The following HS6ST2 variants were observed in gnomAD, a reference collection of about 807,000 sequenced individuals.
HS6ST2 encodes heparan sulfate 6-O-sulfotransferase 2.
HS6ST2 carries 17 observed loss-of-function variants against 33.0 expected under a neutral mutation model. The ratio of observed to expected loss-of-function variants is 0.52; its 90% CI spans 0.35 to 0.77. HS6ST2 has a LOEUF of 0.77. HS6ST2 is among the 30% of genes least tolerant of loss of function. HS6ST2 has a pLI of 0.01. For synonymous variants in HS6ST2, 248 were observed against 237.1 expected, an observed-to-expected ratio of 1.05 and a Z score of -0.42; for missense variants, 519 against 551.7, an observed-to-expected ratio of 0.94 and a Z score of 0.59.
chrX:132,659,692 C>T (rs2063756779), intron 4 of HS6ST2, among the ~76,000 whole-genome samples: 2 of 111,471 alleles, frequency 1.8e-5, no homozygotes, highest in Non-Finnish European at 1.9e-5. Flanking sequence ...AACTTAGCCT[C>T]GTGAGACAAG....
chrX:132,914,115 G>T (rs188210273), intron 2 of HS6ST2, among the ~76,000 whole-genome samples: 87 of 111,885 alleles, frequency 7.8e-4, no homozygotes, highest in African/African-American at 2.6e-3. Flanking sequence ...AAACAACTTA[G>T]ACAAAAATGT....
At chrX:132,935,832 A>C in intron 2 of HS6ST2, among the ~76,000 whole-genome samples, 1 of 110,522 alleles carries the variant, frequency 9.0e-6, no homozygotes, top group Non-Finnish European at 1.9e-5. Flanking sequence ...AACATATCAA[A>C]GCTTATGGGA....
At chrX:132,669,504 GT>G (rs1159276457) in intron 3 of HS6ST2, 4 of 142,397 alleles carry the variant, frequency 2.8e-5, no homozygotes, top group Admixed American at 3.1e-4. Context: ...GGGGCCTCTA[GT>G]TTTAAAAAAA....
rs540174709 is a variant in HS6ST2, at chrX:132,891,380, AT to A, written c.947+65427del. On this transcript the variant is annotated intron_variant, in intron 2 of 4. Transcript: ENST00000370833. ...AACTGAAAGAACAAAAGTTTTTTTT[AT>A]TTTTTTTTTTATTATTATTCTACTT... Among the ~76,000 whole-genome samples the A allele has an allele frequency of 5.6e-3, 553 of 99,297 alleles. 1 individual carries two copies. The highest frequency in any genetic ancestry group is 0.014 in the African/African-American group (388 of 26,808). The allele number at this position is 99,297 out of a possible 115,157, so 86.2% of individuals were successfully genotyped here.
rs1432271813 is a variant in HS6ST2, at chrX:132,866,887, G to A, written c.947+89921C>T. On this transcript the variant is annotated intron_variant, in intron 2 of 4. Transcript: ENST00000370833. ...GCTTAAGGACATTTTGGGCTGAGACGATGGGGTTTTCTAGATATACAATCA... is the reference window on the plus strand; with the variant it reads ...GCTTAAGGACATTTTGGGCTGAGACAATGGGGTTTTCTAGATATACAATCA... Among the ~76,000 whole-genome samples, 207 of 107,931 alleles carry A rather than the reference G, an allele frequency of 1.9e-3. 2 individuals carry two copies. The highest frequency in any genetic ancestry group is 6.6e-3 in the African/African-American group (194 of 29,420). 93.7% of individuals were successfully genotyped at this position (107,931 alleles called of 115,157 possible). A position where few individuals can be genotyped will look rare whatever the true frequency, so the allele number is the denominator to read the frequency against.
rs142329782 is a variant in HS6ST2, at chrX:132,936,672, G to C, written c.947+20136C>G. ...CACTGAGTACACTTAGATACAAAGA[G>C]AGGAACAATAGAAACCAGGGCCTAC... is the stretch of plus-strand genomic sequence containing the variant. On this transcript the variant is annotated intron_variant, in intron 2 of 4. Coordinates refer to ENST00000370833, the MANE Select transcript of HS6ST2 (RefSeq NM_001394073.1). Among the ~76,000 whole-genome samples, 180 of 111,410 alleles carry C rather than the reference G, an allele frequency of 1.6e-3. 1 individual carries two copies. The highest frequency in any genetic ancestry group is 0.012 in the East Asian group (44 of 3,547).
At position 132,896,193 on chromosome X, in the gene HS6ST2, G is replaced by A. The variant is rs914365251; in HGVS notation, c.947+60615C>T. Among the ~76,000 whole-genome samples, 7 of 110,885 alleles carry A rather than the reference G, an allele frequency of 6.3e-5. No individual in the cohort carries two copies. In the East Asian group the frequency reaches 8.6e-4, roughly 14 times the overall value. On this transcript the variant is annotated intron_variant, in intron 2 of 4. Coordinates refer to ENST00000370833, the MANE Select transcript of HS6ST2 (RefSeq NM_001394073.1). Reference sequence around the variant, plus strand: ...AAACAATAGTTAGAAAGAATGAGCCGGGAGTGTTGGCTCATGCCTGTAATC... The same window carrying A: ...AAACAATAGTTAGAAAGAATGAGCCAGGAGTGTTGGCTCATGCCTGTAATC...
chrX:132,776,171 G>A (rs552020998), intron 2 of HS6ST2, among the ~76,000 whole-genome samples: 43 of 111,904 alleles, frequency 3.8e-4, no homozygotes, highest in Admixed American at 3.0e-3. Flanking sequence ...AGAAAGTGCC[G>A]GCAAAATTGA....
At chrX:132,869,870 C>T (rs1164448540) in intron 2 of HS6ST2, among the ~76,000 whole-genome samples, 3 of 111,429 alleles carry the variant, frequency 2.7e-5, no homozygotes, top group Non-Finnish European at 3.8e-5. Context: ...ACAAGGATGC[C>T]CTCTCTCAAC....
chrX:132,718,370 G>T (rs1265560917), intron 2 of HS6ST2, among the ~76,000 whole-genome samples: 1 of 111,804 alleles, frequency 8.9e-6, no homozygotes, highest in Non-Finnish European at 1.9e-5. Context: ...GGAAGTCAGA[G>T]AGGCTCAAAG....
intron 2 of HS6ST2, among the ~76,000 whole-genome samples, chrX:132,804,659 T>C (rs2065264513): frequency 9.0e-6 from 1 of 111,356 alleles, no homozygotes; most frequent in Non-Finnish European, 1.9e-5. Context: ...TTTTAAAAAT[T>C]AGTTAGCTAT....
chrX:132,869,945 G>T (rs369040824), intron 2 of HS6ST2, among the ~76,000 whole-genome samples: 2 of 111,196 alleles, frequency 1.8e-5, no homozygotes, highest in Non-Finnish European at 3.8e-5. Flanking sequence ...AGAAATAAAG[G>T]GTATTCAAAT....
intron 2 of HS6ST2, among the ~76,000 whole-genome samples, chrX:132,821,369 C>T (rs1299551341): frequency 2.7e-5 from 3 of 109,482 alleles, no homozygotes; most frequent in South Asian, 4.1e-4. Context: ...CCCACCACCA[C>T]GCCCAGCTAA....
intron 2 of HS6ST2, among the ~76,000 whole-genome samples, chrX:132,910,333 C>G (rs1171437334): frequency 1.8e-5 from 2 of 111,117 alleles, no homozygotes; most frequent in Non-Finnish European, 3.8e-5. Flanking sequence ...TCTTGTTCAC[C>G]AGTTTTGCAT....
At chrX:132,652,893 G>C (rs1011998118) in intron 4 of HS6ST2, among the ~76,000 whole-genome samples, 2 of 111,304 alleles carry the variant, frequency 1.8e-5, no homozygotes, top group Non-Finnish European at 3.8e-5. Context: ...GAGATTTGTG[G>C]TGTTAATGAT....
intron 2 of HS6ST2, among the ~76,000 whole-genome samples, chrX:132,802,983 C>G (rs2065249180): frequency 9.0e-6 from 1 of 111,099 alleles, no homozygotes; most frequent in Non-Finnish European, 1.9e-5. Flanking sequence ...TCCTCAGGAA[C>G]ATGATCAACA....
At chrX:132,823,621 C>T (rs1156708615) in intron 2 of HS6ST2, among the ~76,000 whole-genome samples, 1 of 101,855 alleles carries the variant, frequency 9.8e-6, no homozygotes, top group African/African-American at 3.6e-5. Context: ...TTTGGGAGGC[C>T]AAAGCTGGTG....
chrX:132,818,122 G>C (rs370191235), intron 2 of HS6ST2, among the ~76,000 whole-genome samples: 1 of 111,241 alleles, frequency 9.0e-6, no homozygotes, highest in East Asian at 2.8e-4. Flanking sequence ...TTTTGTGGGA[G>C]AGACTCCCAA....
At chrX:132,794,561 T>C (rs6654269) in intron 2 of HS6ST2, among the ~76,000 whole-genome samples, 12 of 96,204 alleles carry the variant, frequency 1.2e-4, no homozygotes, top group African/African-American at 3.9e-4. Context: ...TCCTGGATGA[T>C]GATGATGATG....
Sources: allele counts gnomAD v4.1 joint callset (sites outside exome capture counted in the v4.1 genomes callset), GRCh38; gene constraint gnomAD v4.1.1; transcripts MANE v1.5; gene names NCBI Gene and HGNC (gene_info 2026-07-23, HGNC 2026-07-21).